The following UNC5D variants were observed in gnomAD, a reference collection of about 807,000 sequenced individuals.
UNC5D encodes unc-5 netrin receptor D, also known as netrin receptor UNC5D.
Under a neutral mutation model 105.4 loss-of-function variants are expected in UNC5D, and 39 were observed. The observed-to-expected ratio is 0.37, with a 90% CI of 0.29 to 0.48. The LOEUF is 0.48. Among genes scored for constraint, UNC5D ranks in the 20% least tolerant of loss-of-function variants. The pLI, the probability that UNC5D is intolerant of heterozygous loss-of-function variation, is 0.98. For synonymous variants in UNC5D, 452 were observed against 450.4 expected (o/e 1.00, Z -0.04); for missense variants, 991 against 1,202.4 (o/e 0.82, Z 2.60).
chr8:35,614,226 G>A (rs564160841), intron 4 of UNC5D, among the ~76,000 whole-genome samples: 31 of 152,260 alleles, frequency 2.0e-4, no homozygotes, highest in South Asian at 6.2e-4. Flanking sequence ...TGTGCTCATT[G>A]GCATAAAACC....
At chr8:35,584,637 A>G (rs1350233912) in intron 3 of UNC5D, among the ~76,000 whole-genome samples, 3 of 151,608 alleles carry the variant, frequency 2.0e-5, no homozygotes, top group African/African-American at 7.3e-5. Flanking sequence ...TTTTTGAGAG[A>G]TGAGGGTCTC....
At chr8:35,498,010 A>T (rs995313430) in intron 1 of UNC5D, among the ~76,000 whole-genome samples, 1 of 145,036 alleles carries the variant, frequency 6.9e-6, no homozygotes, top group Non-Finnish European at 1.5e-5. Flanking sequence ...CAGAGGTTGC[A>T]GTGGGATGAG....
At chr8:35,386,535 AC>A (rs1344884053) in intron 1 of UNC5D, among the ~76,000 whole-genome samples, 2 of 152,210 alleles carry the variant, frequency 1.3e-5, no homozygotes, top group African/African-American at 4.8e-5. Flanking sequence ...GGGAAAAAAA[AC>A]GTCTAGCTTG....
chr8:35,409,335 T>G (rs1490786278), intron 1 of UNC5D, among the ~76,000 whole-genome samples: 4 of 152,086 alleles, frequency 2.6e-5, no homozygotes, highest in African/African-American at 9.7e-5. Flanking sequence ...GTACCATATT[T>G]CATTCTGCAT....
intron 1 of UNC5D, among the ~76,000 whole-genome samples, chr8:35,516,265 A>G (rs1317189826): frequency 6.6e-6 from 1 of 152,170 alleles, no homozygotes; most frequent in African/African-American, 2.4e-5. Context: ...TTGCATGCAA[A>G]TCTGGAATAA....
chr8:35,331,150 G>A (rs1474207598), intron 1 of UNC5D, among the ~76,000 whole-genome samples: 2 of 152,134 alleles, frequency 1.3e-5, no homozygotes, highest in African/African-American at 2.4e-5. Context: ...GAAGATGAGT[G>A]AGAGATGAGA....
chr8:35,570,792 G>GA lies in UNC5D; in HGVS notation c.466+2560dup, dbSNP rs543383222. Among the ~76,000 whole-genome samples, 122 of 146,288 alleles carry GA rather than the reference G, an allele frequency of 8.3e-4. No homozygotes were observed. The South Asian group carries it at 0.011, about 13-fold the overall frequency. ...AACATGGAGAAACCCCATCTCTACT[G>GA]AAAAAAAAAGAAAAAATTAGCCAGG... On this transcript the variant is annotated intron_variant, in intron 3 of 16. Transcript: ENST00000404895.
chr8:35,323,914 A>G (rs1382757459), intron 1 of UNC5D, among the ~76,000 whole-genome samples: 1 of 152,128 alleles, frequency 6.6e-6, no homozygotes, highest in Non-Finnish European at 1.5e-5. Context: ...TGTCCTGTGT[A>G]TATAGCTTCG....
At chr8:35,518,813 C>G (rs1271376625) in intron 1 of UNC5D, among the ~76,000 whole-genome samples, 2 of 152,128 alleles carry the variant, frequency 1.3e-5, no homozygotes, top group African/African-American at 4.8e-5. Flanking sequence ...TGTAGTAGTG[C>G]ACCTCTCTGC....
chr8:35,758,277 T>G (rs1830603360), intron 13 of UNC5D, among the ~76,000 whole-genome samples: 1 of 152,242 alleles, frequency 6.6e-6, no homozygotes, highest in African/African-American at 2.4e-5. Context: ...AGATAACCAG[T>G]AGAGGTGTTT....
At chr8:35,698,947 T>G (rs527290627) in intron 7 of UNC5D, among the ~76,000 whole-genome samples, 17 of 152,080 alleles carry the variant, frequency 1.1e-4, no homozygotes, top group Non-Finnish European at 2.4e-4. Context: ...AGCAAAAGAA[T>G]TCATAGGTTA....
intron 1 of UNC5D, among the ~76,000 whole-genome samples, chr8:35,313,066 A>T (rs1393726503): frequency 2.6e-5 from 4 of 152,144 alleles, no homozygotes; most frequent in Non-Finnish European, 5.9e-5. Flanking sequence ...AATTAATGAA[A>T]TTTTTTACTT....
At chr8:35,409,170 G>A (rs1292222015) in intron 1 of UNC5D, among the ~76,000 whole-genome samples, 1 of 152,002 alleles carries the variant, frequency 6.6e-6, no homozygotes, top group Non-Finnish European at 1.5e-5. Context: ...GTTGGTTCCA[G>A]TTTTGGGCAA....
chr8:35,485,112 G>A (rs1467765303), intron 1 of UNC5D, among the ~76,000 whole-genome samples: 3 of 152,130 alleles, frequency 2.0e-5, no homozygotes, highest in African/African-American at 7.2e-5. Context: ...ACAGTAGGAG[G>A]AACCCAAGAA....
chr8:35,734,467 A>G (rs2131585655), intron 11 of UNC5D, among the ~76,000 whole-genome samples: 1 of 151,828 alleles, frequency 6.6e-6, no homozygotes, highest in South Asian at 2.1e-4. Flanking sequence ...CTGGAGTGCA[A>G]TGGCGTGATC....
chr8:35,601,076 T>A (rs1393590381), intron 4 of UNC5D, among the ~76,000 whole-genome samples: 1 of 152,194 alleles, frequency 6.6e-6, no homozygotes, highest in South Asian at 2.1e-4. Context: ...CTATTGCTTG[T>A]TTTTGTCAGG....
At chr8:35,575,910 C>G (rs992865864) in intron 3 of UNC5D, among the ~76,000 whole-genome samples, 3 of 152,080 alleles carry the variant, frequency 2.0e-5, no homozygotes, top group African/African-American at 7.2e-5. Flanking sequence ...AAATACAGCT[C>G]CTCTCACATT....
At chr8:35,355,362 T>C (rs902831049) in intron 1 of UNC5D, among the ~76,000 whole-genome samples, 8 of 152,148 alleles carry the variant, frequency 5.3e-5, no homozygotes, top group African/African-American at 1.9e-4. Flanking sequence ...TTAATTTTCT[T>C]TACTTTGTTA....
intron 1 of UNC5D, among the ~76,000 whole-genome samples, chr8:35,470,111 A>T (rs1303680455): frequency 2.0e-5 from 3 of 152,214 alleles, no homozygotes; most frequent in Non-Finnish European, 4.4e-5. Context: ...ACATTCAGCC[A>T]GGAGCTAAGA....
Sources: gnomAD v4.1 joint callset for allele counts (sites outside exome capture counted in the v4.1 genomes callset) on GRCh38, gnomAD v4.1.1 for gene constraint, MANE v1.5 for transcripts, NCBI Gene and HGNC (gene_info 2026-07-23, HGNC 2026-07-21) for gene names.